The following POFUT3 variants were observed in gnomAD, a reference collection of about 807,000 sequenced individuals.
POFUT3 encodes the protein GDP-fucose protein O-fucosyltransferase 3.
chr8:33,450,813 A>C, the POFUT3 span, among the ~76,000 whole-genome samples: 1 of 152,194 alleles, frequency 6.6e-6, no homozygotes. Context: ...ACCAACTCTT[A>C]AGTGTACTGA....
the POFUT3 span, among the ~76,000 whole-genome samples, chr8:33,447,424 G>A: frequency 1.3e-5 from 2 of 150,794 alleles, no homozygotes; most frequent in African/African-American, 2.5e-5. Flanking sequence ...ACTCCAGCCT[G>A]GGCGACAGGG....
chr8:33,395,984 C>T, the POFUT3 span, among the ~76,000 whole-genome samples: 1 of 152,176 alleles, frequency 6.6e-6, no homozygotes, highest in African/African-American at 2.4e-5. Context: ...GAAACTCTTC[C>T]AATTCTCATG....
At chr8:33,339,375 T>C in the POFUT3 span, among the ~76,000 whole-genome samples, 1 of 152,118 alleles carries the variant, frequency 6.6e-6, no homozygotes, top group African/African-American at 2.4e-5. Context: ...CATTAGACAT[T>C]GCCCAAATAA....
chr8:33,380,037 TACGATATATATACACTATATATATAC>T, the POFUT3 span, among the ~76,000 whole-genome samples: 1 of 70,662 alleles, frequency 1.4e-5, no homozygotes, highest in Non-Finnish European at 2.4e-5. Context: ...ACTATATATA[TACGATATATATACACTATATATATAC>T]ACTATATATA....
chr8:33,389,571 G>A, the POFUT3 span: 1 of 1,614,180 alleles, frequency 6.2e-7, no homozygotes, highest in Non-Finnish European at 8.5e-7. Flanking sequence ...TTTTTGGACT[G>A]CAAAGGAACT....
chr8:33,309,149 A>T, the POFUT3 span, among the ~76,000 whole-genome samples: 44 of 41,178 alleles, frequency 1.1e-3, no homozygotes, highest in East Asian at 4.8e-3. Context: ...AAAAAAAAAA[A>T]AAAAAAAAAA....
At chr8:33,444,353 C>T in the POFUT3 span, among the ~76,000 whole-genome samples, 2 of 151,864 alleles carry the variant, frequency 1.3e-5, no homozygotes, top group African/African-American at 2.4e-5. Flanking sequence ...CTGAGGGCTG[C>T]GAGCAGAGCA....
chr8:33,435,522 T>G, the POFUT3 span, among the ~76,000 whole-genome samples: 1 of 150,824 alleles, frequency 6.6e-6, no homozygotes, highest in Non-Finnish European at 1.5e-5. Flanking sequence ...AGGCAACTTT[T>G]TTTTCTTTTT....
chr8:33,335,290 G>T, the POFUT3 span, among the ~76,000 whole-genome samples: 4 of 151,940 alleles, frequency 2.6e-5, no homozygotes, highest in Admixed American at 6.6e-5. Flanking sequence ...GAATGGCTAT[G>T]CTTATTTTTA....
At chr8:33,359,772 G>A in the POFUT3 span, among the ~76,000 whole-genome samples, 6 of 152,164 alleles carry the variant, frequency 3.9e-5, no homozygotes, top group East Asian at 1.9e-4. Flanking sequence ...TTGGGAGGCC[G>A]AGGTGGGCAG....
the POFUT3 span, among the ~76,000 whole-genome samples, chr8:33,342,876 C>T: frequency 1.6e-3 from 237 of 152,204 alleles, 3 homozygotes; most frequent in African/African-American, 5.4e-3. Flanking sequence ...GATGCCGAGG[C>T]GGGCAGATCA....
chr8:33,354,216 C>T, the POFUT3 span, among the ~76,000 whole-genome samples: 1 of 151,982 alleles, frequency 6.6e-6, no homozygotes, highest in African/African-American at 2.4e-5. Context: ...GAAACAGAAC[C>T]GATAGGAGAT....
At chr8:33,364,573 G>A in the POFUT3 span, among the ~76,000 whole-genome samples, 25 of 152,282 alleles carry the variant, frequency 1.6e-4, 1 homozygote, top group East Asian at 4.2e-3. Flanking sequence ...CTTCAGCAAA[G>A]TCTCAGGATA....
the POFUT3 span, among the ~76,000 whole-genome samples, chr8:33,425,778 T>TA: frequency 6.6e-6 from 1 of 150,792 alleles, no homozygotes; most frequent in Non-Finnish European, 1.5e-5. Context: ...ATACAAAAAT[T>TA]AGCCAGCCCT....
chr8:33,447,280 T>G, the POFUT3 span, among the ~76,000 whole-genome samples: 1 of 152,070 alleles, frequency 6.6e-6, no homozygotes. Flanking sequence ...AAAACCCGTC[T>G]CTACTAAAAA....
the POFUT3 span, among the ~76,000 whole-genome samples, chr8:33,469,754 G>C: frequency 6.6e-6 from 1 of 150,386 alleles, no homozygotes; most frequent in Non-Finnish European, 1.5e-5. Context: ...CAGATAAACA[G>C]ACAGACTGAT....
chr8:33,383,265 T>G, the POFUT3 span, among the ~76,000 whole-genome samples: 5 of 152,172 alleles, frequency 3.3e-5, no homozygotes, highest in Non-Finnish European at 7.3e-5. Flanking sequence ...ATGCCTCTGT[T>G]TCCATTTCTG....
the POFUT3 span, among the ~76,000 whole-genome samples, chr8:33,327,017 A>G: frequency 6.6e-6 from 1 of 152,304 alleles, no homozygotes; most frequent in East Asian, 1.9e-4. Context: ...GCCTTAAGCC[A>G]TTCTCCTGTC....
At chr8:33,427,452 G>A in the POFUT3 span, among the ~76,000 whole-genome samples, 8 of 152,000 alleles carry the variant, frequency 5.3e-5, no homozygotes, top group Non-Finnish European at 1.2e-4. Flanking sequence ...GGTGGTGCAT[G>A]CCTGTAATCC....
Sources: gnomAD v4.1 joint callset for allele counts (sites outside exome capture counted in the v4.1 genomes callset) on GRCh38, gnomAD v4.1.1 for gene constraint, MANE v1.5 for transcripts, NCBI Gene and HGNC (gene_info 2026-07-23, HGNC 2026-07-21) for gene names.